Variants in NKAIN3 observed in about 807,000 individuals in gnomAD.
NKAIN3 encodes the protein sodium/potassium-transporting ATPase subunit beta-1-interacting protein 3.
A neutral mutation model predicts 30.2 loss-of-function variants in NKAIN3; 25 were observed. The ratio of observed to expected loss-of-function variants is 0.83; its 90% CI spans 0.60 to 1.16. The LOEUF (loss-of-function observed/expected upper bound fraction) is 1.16. Ranked by LOEUF, NKAIN3 falls within the 50% of genes most tolerant of loss-of-function variation. The probability of loss-of-function intolerance (pLI) is 0.00; values close to 1 mark genes in which losing one functional copy is unlikely to be tolerated. For missense variants in NKAIN3, 225 were observed against 254.1 expected (o/e 0.89, Z 0.78); for synonymous variants, 91 against 89.6 (o/e 1.02, Z -0.09).
chr8:62,274,737 C>T (rs972080306), intron 1 of NKAIN3, among the ~76,000 whole-genome samples: 16 of 151,166 alleles, frequency 1.1e-4, no homozygotes, highest in African/African-American at 3.6e-4. Flanking sequence ...TAATGCTATC[C>T]CTCCCCCGAC....
At chr8:62,881,453 C>T (rs906936595) in intron 4 of NKAIN3, among the ~76,000 whole-genome samples, 2 of 152,156 alleles carry the variant, frequency 1.3e-5, no homozygotes, top group Admixed American at 6.5e-5. Context: ...CTTTTTACTA[C>T]TCAACTCCAA....
chr8:62,910,444 TA>T (rs894383886), intron 4 of NKAIN3, among the ~76,000 whole-genome samples: 31 of 152,294 alleles, frequency 2.0e-4, no homozygotes, highest in African/African-American at 7.5e-4. Context: ...AAATGAAGAC[TA>T]AAAAGCTTGC....
intron 1 of NKAIN3, among the ~76,000 whole-genome samples, chr8:62,446,145 A>G (rs896596617): frequency 6.6e-6 from 1 of 152,170 alleles, no homozygotes; most frequent in African/African-American, 2.4e-5. Context: ...GAAGCCAAAT[A>G]AGAAACTAAG....
intron 1 of NKAIN3, among the ~76,000 whole-genome samples, chr8:62,250,561 T>C (rs1456258176): frequency 1.3e-5 from 2 of 152,214 alleles, no homozygotes; most frequent in East Asian, 3.8e-4. Flanking sequence ...TGACTAAACA[T>C]TGAGTCAACC....
At chr8:62,888,647 C>A (rs934788516) in intron 4 of NKAIN3, among the ~76,000 whole-genome samples, 1 of 152,192 alleles carries the variant, frequency 6.6e-6, no homozygotes, top group Non-Finnish European at 1.5e-5. Context: ...CTGACGACTT[C>A]TAAGCTTTTT....
rs183529125 is a variant in NKAIN3 at position 62,317,158 on chromosome 8, T to C, written c.54+68031T>C. Among the ~76,000 whole-genome samples, 331 of 152,352 alleles carry C rather than the reference T, an allele frequency of 2.2e-3. 1 individual carries two copies. Among genetic ancestry groups the C allele is most frequent in the Non-Finnish European group, 4.2e-3 (283 of 68,034 alleles). On this transcript the variant is annotated intron_variant, in intron 1 of 6. Transcript: ENST00000623646. ...CTTGTAAATTTGTTTGATTTCATTG[T>C]AGATTCTGGATATTAGCCCTTTGTC... is the stretch of plus-strand genomic sequence containing the variant.
At chr8:62,378,397 A>AT (rs1817164586) in intron 1 of NKAIN3, among the ~76,000 whole-genome samples, 1 of 152,256 alleles carries the variant, frequency 6.6e-6, no homozygotes, top group African/African-American at 2.4e-5. Context: ...AGAAATTTGC[A>AT]TAAGTAATAA....
rs181884596 is a variant in NKAIN3 at position 62,452,937 on chromosome 8, C to T, written c.55-126602C>T. ...GTGTCTTTTGTAAGTGTACATCACT[C>T]GGCATAATGGATTCTTGATAAGGTA... On this transcript the variant is annotated intron_variant, in intron 1 of 6. Transcript: ENST00000623646. Among the ~76,000 whole-genome samples the T allele has an allele frequency of 2.6e-3, 394 of 152,130 alleles. 3 individuals carry two copies. The highest frequency in any genetic ancestry group is 6.9e-3 in the African/African-American group (288 of 41,520).
At chr8:62,440,320 G>A (rs190002005) in intron 1 of NKAIN3, among the ~76,000 whole-genome samples, 18 of 152,284 alleles carry the variant, frequency 1.2e-4, no homozygotes, top group Middle Eastern at 3.4e-3. Flanking sequence ...TCTTGTCCAA[G>A]CTTCACTGGG....
At position 62,752,641 on chromosome 8, in the gene NKAIN3, CT is replaced by C. The variant is rs544637153; in HGVS notation, c.471+5513del. Among the ~76,000 whole-genome samples the C allele has an allele frequency of 8.5e-5, 13 of 152,248 alleles. No homozygotes were observed. The East Asian group carries it at 2.3e-3, about 27-fold the overall frequency. On this transcript the variant is annotated intron_variant, in intron 4 of 6. Coordinates refer to ENST00000623646, the MANE Select transcript of NKAIN3 (RefSeq NM_001304533.3). Reference sequence around the variant, plus strand: ...ACAGTGGAACAAAGATTTCAGTAGCCTGTCAACAGCCAGTAGTGTGCTCCTA... The same window carrying C: ...ACAGTGGAACAAAGATTTCAGTAGCCGTCAACAGCCAGTAGTGTGCTCCTA...
intron 1 of NKAIN3, among the ~76,000 whole-genome samples, chr8:62,481,687 A>C (rs1183444537): frequency 6.6e-6 from 1 of 152,198 alleles, no homozygotes; most frequent in Non-Finnish European, 1.5e-5. Flanking sequence ...CCAATAACCA[A>C]GACTTAAAAA....
At chr8:62,663,320 T>C (rs1272056188) in intron 3 of NKAIN3, among the ~76,000 whole-genome samples, 3 of 152,232 alleles carry the variant, frequency 2.0e-5, no homozygotes, top group Non-Finnish European at 4.4e-5. Context: ...GCAGGAAAGA[T>C]ACTTACTTGT....
intron 5 of NKAIN3, among the ~76,000 whole-genome samples, chr8:62,942,041 A>T (rs1267307879): frequency 6.6e-6 from 1 of 151,880 alleles, no homozygotes; most frequent in Non-Finnish European, 1.5e-5. Context: ...AAGAACCTAG[A>T]ACTGATAAAT....
chr8:62,553,418 A>T (rs1809279615), intron 1 of NKAIN3, among the ~76,000 whole-genome samples: 1 of 152,206 alleles, frequency 6.6e-6, no homozygotes, highest in Non-Finnish European at 1.5e-5. Flanking sequence ...ATGCTATGCT[A>T]TAAAAATAGA....
At chr8:62,392,397 G>A (rs1298373543) in intron 1 of NKAIN3, among the ~76,000 whole-genome samples, 3 of 152,006 alleles carry the variant, frequency 2.0e-5, no homozygotes, top group African/African-American at 7.2e-5. Context: ...TTGCCAATTT[G>A]TAAGTTTACA....
chr8:62,506,907 G>A lies in NKAIN3; in HGVS notation c.55-72632G>A, dbSNP rs575855430. On this transcript the variant is annotated intron_variant, in intron 1 of 6. Coordinates refer to ENST00000623646, the MANE Select transcript of NKAIN3 (RefSeq NM_001304533.3). The stretch of plus-strand genomic sequence containing the variant: ...CTCTTTCTAATGTTATGCATTTCTC[G>A]ACACCTGATGTAGAATTGATAATGG... 7.2e-5 allele frequency among the ~76,000 whole-genome samples: 11 copies of A among 152,142 alleles called. No homozygotes were observed. In the South Asian group the frequency reaches 1.5e-3, roughly 20 times the overall value.
intron 4 of NKAIN3, among the ~76,000 whole-genome samples, chr8:62,797,811 T>A (rs927420237): frequency 1.3e-5 from 2 of 152,106 alleles, no homozygotes; most frequent in Non-Finnish European, 1.5e-5. Context: ...ACGGTCACAG[T>A]GGAGTAGAGT....
chr8:62,808,993 T>C (rs577061726), intron 4 of NKAIN3, among the ~76,000 whole-genome samples: 79 of 152,224 alleles, frequency 5.2e-4, no homozygotes, highest in African/African-American at 1.8e-3. Flanking sequence ...AGAGTGGCCA[T>C]TTTAGAGACC....
In NKAIN3 at chr8:62,374,825, C is replaced by T. The variant is rs147179449; in HGVS notation, c.54+125698C>T. ...GTTATAGCATATTATCTACCTAGTC[C>T]ATTTATTTGGAACACAGTGGATCTT... is the stretch of plus-strand genomic sequence containing the variant. On this transcript the variant is annotated intron_variant, in intron 1 of 6. Coordinates refer to ENST00000623646, the MANE Select transcript of NKAIN3 (RefSeq NM_001304533.3). Among the ~76,000 whole-genome samples, 61 of 152,228 alleles carry T rather than the reference C, an allele frequency of 4.0e-4. No individual in the cohort carries two copies. In the East Asian group the frequency reaches 0.011, roughly 28 times the overall value.
Sources: allele counts gnomAD v4.1 joint callset (sites outside exome capture counted in the v4.1 genomes callset), GRCh38; gene constraint gnomAD v4.1.1; transcripts MANE v1.5; gene names NCBI Gene and HGNC (gene_info 2026-07-23, HGNC 2026-07-21).